POLR2F: variants seen among roughly 807,000 people sequenced by gnomAD.
POLR2F encodes the protein DNA-directed RNA polymerases I, II, and III subunit RPABC2.
POLR2F carries 12 observed loss-of-function variants against 22.7 expected under a neutral mutation model. The ratio of observed to expected loss-of-function variants is 0.53; its 90% CI spans 0.34 to 0.86. The LOEUF is 0.86. POLR2F is among the 40% of genes least tolerant of loss of function. The pLI is 0.02. For synonymous variants in POLR2F, 57 were observed against 66.0 expected (o/e 0.86, Z 0.66); for missense variants, 126 against 171.5 (o/e 0.73, Z 1.48).
At chr22:38,039,228 G>A (rs2085148341) in intron 5 of POLR2F, among the ~76,000 whole-genome samples, 2 of 152,214 alleles carry the variant, frequency 1.3e-5, no homozygotes, top group Non-Finnish European at 2.9e-5. Context: ...TGTCTCCCGA[G>A]ACAAAGCCTA....
At chr22:37,986,151 C>T (rs1932567155), upstream of POLR2F, 3 of 1,525,788 alleles carry the variant, frequency 2.0e-6, no homozygotes, top group Middle Eastern at 3.5e-4. This position sits in a 1 kb window ranked among gnomAD's most constrained non-coding sequence, Gnocchi z 4.7. Flanking sequence ...AGCTTTTTAA[C>T]AGCGCCCGCT....
downstream of POLR2F, among the ~76,000 whole-genome samples, chr22:38,031,313 C>T (rs549648919): frequency 8.9e-4 from 135 of 152,286 alleles, 1 homozygote; most frequent in African/African-American, 3.0e-3. This position sits in a 1 kb window ranked among gnomAD's most constrained non-coding sequence, Gnocchi z 4.1. Flanking sequence ...GTTCTTGGCA[C>T]GGAGGAGCCT....
chr22:37,953,970 A>C, intron 1 of POLR2F, 163 bp downstream of exon 1: 1 of 791,294 alleles, frequency 1.3e-6, no homozygotes, highest in Non-Finnish European at 2.0e-6. Flanking sequence ...GCGACCCAGG[A>C]GCACAGCCCC....
intron 1 of POLR2F, among the ~76,000 whole-genome samples, chr22:38,021,605 C>T (rs764129516): frequency 3.4e-4 from 51 of 152,012 alleles, no homozygotes; most frequent in Non-Finnish European, 6.0e-4. Flanking sequence ...TACAGGCACG[C>T]GCCACCATGC....
At chr22:38,028,536 G>C, downstream of POLR2F, among the ~76,000 whole-genome samples, 1 of 151,992 alleles carries the variant, frequency 6.6e-6, no homozygotes, top group South Asian at 2.1e-4. Context: ...GTGTGTGTGC[G>C]CATACGTGTG....
intron 1 of POLR2F, among the ~76,000 whole-genome samples, chr22:38,002,702 G>A (rs2084783571): frequency 6.6e-6 from 1 of 152,184 alleles, no homozygotes; most frequent in Non-Finnish European, 1.5e-5. Context: ...ATTGAATAGA[G>A]GGGAAAATGG....
chr22:37,986,590 C>T lies in POLR2F; in HGVS notation c.120+278C>T, dbSNP rs1299396122. On this transcript the variant is annotated intron_variant, in intron 1 of 2. Transcript: ENST00000333418. The surrounding 1 kb of genome is among the most constrained non-coding windows in gnomAD (Gnocchi z 4.7). ...TCTGTCTGCAGGAAGCCACGCTAGA[C>T]AGAAGGGGCCACTCCCTCTCTCTCT... The T allele has an allele frequency of 4.2e-6, 3 of 710,342 alleles. No individual in the cohort carries two copies. The highest frequency in any genetic ancestry group is 7.6e-6 in the Non-Finnish European group (3 of 397,214). 44.0% of individuals were successfully genotyped at this position (710,342 alleles called of 1,614,324 possible). A position where few individuals can be genotyped will look rare whatever the true frequency, so the allele number is the denominator to read the frequency against.
intron 1 of POLR2F, among the ~76,000 whole-genome samples, chr22:37,996,825 C>T (rs1307321319): frequency 2.0e-5 from 3 of 152,204 alleles, no homozygotes; most frequent in Non-Finnish European, 4.4e-5. Flanking sequence ...AAGACTAATT[C>T]CCAGGCCCCA....
rs981570561 is a variant in POLR2F, at chr22:38,016,989, C to G, written c.121-8880C>G. On this transcript the variant is annotated intron_variant, in intron 1 of 2. Coordinates refer to the POLR2F transcript ENST00000333418. This position sits in a 1 kb window ranked among gnomAD's most constrained non-coding sequence, Gnocchi z 4.4. ...GCCAGGCCGGGGTGCCGGGGGGCAGCGCAAGGGGCCAGCCAGCCCCCCACC... is the reference window on the plus strand; with the variant it reads ...GCCAGGCCGGGGTGCCGGGGGGCAGGGCAAGGGGCCAGCCAGCCCCCCACC... Among the ~76,000 whole-genome samples, 2 of 152,114 alleles carry G rather than the reference C, an allele frequency of 1.3e-5. No individual in the cohort carries two copies. The highest frequency in any genetic ancestry group is 1.3e-4 in the Admixed American group (2 of 15,284).
chr22:37,985,915 G>C (rs1281845079), upstream of POLR2F, among the ~76,000 whole-genome samples: 1 of 151,970 alleles, frequency 6.6e-6, no homozygotes, highest in Non-Finnish European at 1.5e-5. Context: ...GGAGCCCAGT[G>C]AATTAGGAGT....
upstream of POLR2F, among the ~76,000 whole-genome samples, chr22:37,985,761 C>T (rs1407947573): frequency 6.7e-6 from 1 of 148,544 alleles, no homozygotes; most frequent in Non-Finnish European, 1.5e-5. Flanking sequence ...AAATGGGACA[C>T]AATGAGGTAG....
chr22:37,962,494 C>T (rs944833100), intron 3 of POLR2F, among the ~76,000 whole-genome samples: 1 of 152,198 alleles, frequency 6.6e-6, no homozygotes, highest in Non-Finnish European at 1.5e-5. Context: ...ACTCCTTGCT[C>T]TTATGCATGG....
upstream of POLR2F, chr22:37,983,746 G>A (rs1228706802): frequency 1.3e-6 from 2 of 1,485,990 alleles, no homozygotes; most frequent in Non-Finnish European, 1.8e-6. The surrounding 1 kb of genome is among the most constrained non-coding windows in gnomAD (Gnocchi z 9.5). Flanking sequence ...AGCCCACGGG[G>A]CTCAGCTCCA....
chr22:37,970,848 G>C, downstream of POLR2F: 1 of 215,588 alleles, frequency 4.6e-6, no homozygotes, highest in South Asian at 7.3e-5. Context: ...GTAAAGTCCT[G>C]CTTTTATCTA....
intron 5 of POLR2F, among the ~76,000 whole-genome samples, chr22:38,037,335 G>A (rs1031003903): frequency 6.6e-5 from 10 of 151,644 alleles, no homozygotes; most frequent in Admixed American, 2.6e-4. Flanking sequence ...GTGCAGTGGC[G>A]CAATCTTGGC....
intron 1 of POLR2F, among the ~76,000 whole-genome samples, chr22:38,013,303 G>C (rs1170007526): frequency 6.6e-6 from 1 of 152,104 alleles, no homozygotes; most frequent in African/African-American, 2.4e-5. Flanking sequence ...ATGCCACCAT[G>C]CCTGGCTAAT....
intron 5 of POLR2F, chr22:38,034,132 T>C: frequency 5.9e-6 from 1 of 169,118 alleles, no homozygotes. Flanking sequence ...TTCTGCTTCC[T>C]CTACTCCCAC....
rs912251280 is a variant in POLR2F at position 38,017,715 on chromosome 22, G to A, written c.121-8154G>A. On this transcript the variant is annotated intron_variant, in intron 1 of 2. Transcript: ENST00000333418. The surrounding 1 kb of genome is among the most constrained non-coding windows in gnomAD (Gnocchi z 4.1). ...GTCTCTCTGTAGCACCAGCCAAGAA[G>A]TCACCCGCCCCCGCTGGCACAGCTC... Among the ~76,000 whole-genome samples, 2 of 152,162 alleles carry A rather than the reference G, an allele frequency of 1.3e-5. No homozygotes were observed. Among genetic ancestry groups the A allele is most frequent in the Admixed American group, 6.5e-5 (1 of 15,284 alleles).
chr22:38,039,718 G>A (rs1308813949), intron 5 of POLR2F, among the ~76,000 whole-genome samples: 1 of 152,226 alleles, frequency 6.6e-6, no homozygotes, highest in African/African-American at 2.4e-5. Flanking sequence ...CATTCCAGCC[G>A]CGCACAGACA....
Sources: allele counts gnomAD v4.1 joint callset (sites outside exome capture counted in the v4.1 genomes callset), GRCh38; gene constraint gnomAD v4.1.1; non-coding constraint Gnocchi (gnomAD v3.1); transcripts MANE v1.5; gene names NCBI Gene and HGNC (gene_info 2026-07-23, HGNC 2026-07-21).